RIMS2: variants seen among roughly 807,000 people sequenced by gnomAD.
The protein encoded by RIMS2 is regulating synaptic membrane exocytosis 2.
RIMS2 carries 59 observed loss-of-function variants against 174.4 expected under a neutral mutation model. The ratio of observed to expected loss-of-function variants is 0.34; its 90% confidence interval spans 0.27 to 0.42. The LOEUF is 0.42. RIMS2 is among the 10% of genes least tolerant of loss of function. RIMS2 has a pLI of 1.00. For missense variants in RIMS2, 1,620 were observed against 1,666.3 expected (o/e 0.97, Z 0.48); for synonymous variants, 606 against 572.5 (o/e 1.06, Z -0.84).
intron 9 of RIMS2, chr8:103,921,051 C>T: frequency 4.6e-6 from 1 of 216,122 alleles, no homozygotes; most frequent in Non-Finnish European, 9.3e-6. Flanking sequence ...ACAACAAAAA[C>T]AGGTCTTCCC....
At chr8:103,501,757 C>A (rs1563547023) in intron 1 of RIMS2, 2 of 152,338 alleles carry the variant, frequency 1.3e-5, no homozygotes, top group Non-Finnish European at 2.9e-5. Context: ...TGAAGAGACT[C>A]CAGTTCCTAC....
intron 19 of RIMS2, among the ~76,000 whole-genome samples, chr8:104,184,760 A>AGTAAATCAAAGATTT (rs1344075954): frequency 2.0e-5 from 3 of 151,620 alleles, no homozygotes; most frequent in African/African-American, 7.2e-5. Flanking sequence ...AGAAATCCTT[A>AGTAAATCAAAGATTT]GTAAATCAAA....
chr8:104,065,671 T>C (rs2097093535), intron 19 of RIMS2, among the ~76,000 whole-genome samples: 1 of 152,260 alleles, frequency 6.6e-6, no homozygotes, highest in Non-Finnish European at 1.5e-5. Flanking sequence ...GGGTTATTCT[T>C]CTAGGAGGAT....
At chr8:104,066,773 G>A (rs11992895) in intron 19 of RIMS2, among the ~76,000 whole-genome samples, 6,783 of 152,098 alleles carry the variant, frequency 0.045, 482 homozygotes, top group African/African-American at 0.15. Flanking sequence ...ATTAACATGT[G>A]ACTATTATAA....
At chr8:103,910,213 G>A (rs1480876302) in intron 5 of RIMS2, 108 bp from the exon 8 acceptor site, 1 of 1,585,052 alleles carries the variant, frequency 6.3e-7, no homozygotes, top group African/African-American at 1.4e-5. Context: ...TGAGACATGT[G>A]GAGCCTTACT....
At chr8:104,054,593 A>AT (rs1340210718) in intron 19 of RIMS2, among the ~76,000 whole-genome samples, 1 of 152,090 alleles carries the variant, frequency 6.6e-6, no homozygotes, top group Admixed American at 6.6e-5. Flanking sequence ...AGCTTCACTG[A>AT]TTTTATCTTA....
At chr8:103,761,313 C>A (rs887533635) in intron 2 of RIMS2, among the ~76,000 whole-genome samples, 9 of 152,202 alleles carry the variant, frequency 5.9e-5, no homozygotes, top group Non-Finnish European at 1.0e-4. Context: ...ATTGAATAAG[C>A]ATGTACTTTA....
intron 1 of RIMS2, among the ~76,000 whole-genome samples, chr8:103,578,706 T>C (rs2093415911): frequency 6.6e-6 from 1 of 151,792 alleles, no homozygotes; most frequent in South Asian, 2.1e-4. Flanking sequence ...GTTTTAAGAA[T>C]ACCATGGCTG....
intron 19 of RIMS2, among the ~76,000 whole-genome samples, chr8:104,179,134 T>G (rs1326675468): frequency 1.3e-5 from 2 of 151,640 alleles, no homozygotes; most frequent in East Asian, 3.8e-4. Flanking sequence ...TGTAAGTCAT[T>G]GAACATAGGG....
intron 3 of RIMS2, among the ~76,000 whole-genome samples, chr8:103,787,743 A>G (rs551625480): frequency 7.9e-5 from 12 of 152,024 alleles, no homozygotes; most frequent in Admixed American, 2.0e-4. Context: ...TCTGACAATT[A>G]TGTTCTTGGA....
chr8:103,927,885 T>C (rs1361565671), exon 11 of RIMS2: 3 of 1,607,676 alleles, frequency 1.9e-6, no homozygotes, highest in Non-Finnish European at 2.6e-6. Context: ...GTTCCTAGGG[T>C]TCAGGTAAAG....
At chr8:103,606,780 T>G (rs2133989681) in intron 1 of RIMS2, among the ~76,000 whole-genome samples, 1 of 152,104 alleles carries the variant, frequency 6.6e-6, no homozygotes, top group Middle Eastern at 3.4e-3. Context: ...TCTTTTGATC[T>G]TTGTTGGTTT....
chr8:103,705,901 C>T (rs184429451), intron 2 of RIMS2, among the ~76,000 whole-genome samples: 53 of 151,182 alleles, frequency 3.5e-4, no homozygotes, highest in Non-Finnish European at 5.2e-4. Context: ...AATTTACATT[C>T]GATAGTATTA....
chr8:104,008,949 C>G (rs1196262293), intron 17 of RIMS2, among the ~76,000 whole-genome samples: 1 of 151,904 alleles, frequency 6.6e-6, no homozygotes, highest in East Asian at 1.9e-4. Context: ...TGCACATTAC[C>G]TATTTGCTTA....
At chr8:103,634,951 A>C (rs966882478) in intron 1 of RIMS2, among the ~76,000 whole-genome samples, 1 of 151,826 alleles carries the variant, frequency 6.6e-6, no homozygotes, top group Non-Finnish European at 1.5e-5. Flanking sequence ...ACACCATACC[A>C]TTGGGTCTTT....
At chr8:103,689,959 CTTT>C (rs35912055) in intron 1 of RIMS2, among the ~76,000 whole-genome samples, 1 of 137,564 alleles carries the variant, frequency 7.3e-6, no homozygotes, top group Admixed American at 7.3e-5. Context: ...CTCCATGTGT[CTTT>C]TTTTTTTTTT....
intron 19 of RIMS2, among the ~76,000 whole-genome samples, chr8:104,094,890 A>G (rs1187605251): frequency 1.3e-5 from 2 of 152,050 alleles, no homozygotes; most frequent in African/African-American, 4.8e-5. Context: ...TATCAAATAG[A>G]TTGATTTATT....
At chr8:104,174,875 T>C (rs1437310797) in intron 19 of RIMS2, among the ~76,000 whole-genome samples, 1 of 152,192 alleles carries the variant, frequency 6.6e-6, no homozygotes, top group Non-Finnish European at 1.5e-5. Context: ...TTCAGATTCT[T>C]TCACCCTTTT....
chr8:103,747,676 A>G (rs750293760), intron 2 of RIMS2, among the ~76,000 whole-genome samples: 2 of 152,114 alleles, frequency 1.3e-5, no homozygotes, highest in African/African-American at 2.4e-5. Context: ...ATGATGGAAT[A>G]TATGTAGAAT....
Sources: allele counts gnomAD v4.1 joint callset (sites outside exome capture counted in the v4.1 genomes callset), GRCh38; gene constraint gnomAD v4.1.1; transcripts MANE v1.5; gene names NCBI Gene and HGNC (gene_info 2026-07-23, HGNC 2026-07-21).